The following RAB11FIP2 variants were observed in gnomAD, a reference collection of about 807,000 sequenced individuals.
RAB11FIP2 encodes rab11 family-interacting protein 2.
RAB11FIP2 carries 16 observed loss-of-function variants against 40.9 expected under a neutral mutation model. That is an observed-to-expected ratio of 0.39 (90% CI 0.26 to 0.59). The LOEUF (loss-of-function observed/expected upper bound fraction) is 0.59, where lower values mean the gene tolerates loss of function less well. Among genes scored for constraint, RAB11FIP2 ranks in the 20% least tolerant of loss-of-function variants. The pLI, the probability that RAB11FIP2 is intolerant of heterozygous loss-of-function variation, is 0.53. For missense variants in RAB11FIP2, 532 were observed against 606.2 expected (o/e 0.88, Z 1.28); for synonymous variants, 228 against 213.7 (o/e 1.07, Z -0.58).
chr10:118,011,365 A>T (rs1213575461), intron 4 of RAB11FIP2, among the ~76,000 whole-genome samples: 2 of 151,888 alleles, frequency 1.3e-5, no homozygotes, highest in Admixed American at 6.6e-5. Context: ...CAGATCAATT[A>T]ATCTTTTATA....
rs989870664 is a variant in RAB11FIP2, at chr10:118,046,662, C to T, written c.-499G>A. 2.6e-5 allele frequency: 4 copies of T among 153,018 alleles called. No individual in the cohort carries two copies. The highest frequency in any genetic ancestry group is 7.2e-5 in the African/African-American group (3 of 41,492). 9.5% of individuals were successfully genotyped at this position (153,018 alleles called of 1,614,324 possible). A position where few individuals can be genotyped will look rare whatever the true frequency, so the allele number is the denominator to read the frequency against. Reference sequence around the variant, plus strand: ...TCCCGACCCCGGTAATACGAACCGCCGGCGGCTAACGCGGCCTCGCTCCCT... The same window carrying T: ...TCCCGACCCCGGTAATACGAACCGCTGGCGGCTAACGCGGCCTCGCTCCCT... On this transcript the variant is annotated 5_prime_UTR_variant, in exon 1 of 5. Coordinates refer to ENST00000355624, the MANE Select transcript of RAB11FIP2 (RefSeq NM_014904.3).
At position 118,046,401 on chromosome 10, in the gene RAB11FIP2, G is replaced by A. The variant is rs1846638705; in HGVS notation, c.-238C>T. On this transcript the variant is annotated 5_prime_UTR_variant, in exon 1 of 5. Coordinates refer to ENST00000355624, the MANE Select transcript of RAB11FIP2 (RefSeq NM_014904.3). ...CACAGAGGCCCACCATCACCTGGCC[G>A]CGCCGTGCAGGCCTCTGCGCGGACC... is the stretch of plus-strand genomic sequence containing the variant. 1.9e-6 allele frequency: 1 copy of A among 536,808 alleles called. No individual in the cohort carries two copies. The highest frequency in any genetic ancestry group is 1.9e-5 in the African/African-American group (1 of 52,850). 33.3% of individuals were successfully genotyped at this position (536,808 alleles called of 1,614,324 possible).
rs576853484 is a variant in RAB11FIP2, at chr10:118,012,679, G to A, written c.1311+2386C>T. On this transcript the variant is annotated intron_variant, in intron 4 of 4. Transcript: ENST00000355624. ...AGGTAAATATAAAAATTATTTTTTC[G>A]AAAGATTATTCTTGCAAAAACTTGC... is the stretch of plus-strand genomic sequence containing the variant. Among the ~76,000 whole-genome samples, 13 of 151,570 alleles carry A rather than the reference G, an allele frequency of 8.6e-5. No homozygotes were observed. The East Asian group carries it at 9.7e-4, about 11-fold the overall frequency.
Position 118,040,348 on chromosome 10 carries a change from T to C in RAB11FIP2, c.571A>G (p.Thr191Ala). Reference protein sequence around the residue: ...SDTSSAIIPSTHMPDANSEFS... With the variant: ...SDTSSAIIPSAHMPDANSEFS... ...TCACTATTGGCATCGGGCATGTGAG[T>C]ACTTGGAATGATTGCAGAAGACGTA... The change falls in exon 2 of 5, where the codon ACT becomes GCT. Residue 191 changes from threonine (T) to alanine (A), a missense_variant. Transcript: ENST00000355624. 6.2e-7 allele frequency: 1 copy of C among 1,613,796 alleles called. No individual in the cohort carries two copies. The highest frequency in any genetic ancestry group is 8.5e-7 in the Non-Finnish European group (1 of 1,179,740).
chr10:118,025,747 C>T (rs1008762649), intron 3 of RAB11FIP2, among the ~76,000 whole-genome samples: 1 of 152,196 alleles, frequency 6.6e-6, no homozygotes, highest in Non-Finnish European at 1.5e-5. Flanking sequence ...CTGAGAACCA[C>T]TTCACACATT....
At chr10:118,036,182 G>A (rs1846479115) in intron 3 of RAB11FIP2, among the ~76,000 whole-genome samples, 2 of 151,934 alleles carry the variant, frequency 1.3e-5, no homozygotes, top group African/African-American at 4.8e-5. Context: ...ATGGTTCCTA[G>A]GTACCAGCAA....
intron 1 of RAB11FIP2, chr10:118,043,462 A>G (rs572946285): frequency 3.3e-5 from 5 of 152,180 alleles, no homozygotes; most frequent in South Asian, 2.1e-4. Context: ...ACATCCTCTA[A>G]AGGAGGAGAT....
At chr10:118,041,414 A>C (rs571997445) in intron 1 of RAB11FIP2, among the ~76,000 whole-genome samples, 3 of 152,264 alleles carry the variant, frequency 2.0e-5, no homozygotes, top group East Asian at 1.9e-4. Flanking sequence ...GATATACAAG[A>C]AGCAATATTT....
rs1468087690 is a variant in RAB11FIP2 at position 118,006,658 on chromosome 10, A to G, written c.*2340T>C. 6.6e-6 allele frequency: 1 copy of G among 152,102 alleles called. No homozygotes were observed. Among genetic ancestry groups the G allele is most frequent in the African/African-American group, 2.4e-5 (1 of 41,442 alleles). The allele number at this position is 152,102 out of a possible 1,614,324, so 9.4% of individuals were successfully genotyped here. A position where few individuals can be genotyped will look rare whatever the true frequency, so the allele number is the denominator to read the frequency against. On this transcript the variant is annotated 3_prime_UTR_variant, in exon 5 of 5. Coordinates refer to ENST00000355624, the MANE Select transcript of RAB11FIP2 (RefSeq NM_014904.3). ...AGTTTTATTATTTTGACTGATTATG[A>G]AAATATGCAATAAGTTTACTCTAGG...
chr10:118,046,032 C>T lies in RAB11FIP2; in HGVS notation c.132G>A (p.Lys44=). 8 of 1,614,204 alleles carry T rather than the reference C, an allele frequency of 5.0e-6. No homozygotes were observed. The highest frequency in any genetic ancestry group is 6.8e-6 in the Non-Finnish European group (8 of 1,180,040). Residue 44 remains lysine, a synonymous_variant, in exon 1 of 5, where the codon AAG becomes AAA. Transcript: ENST00000355624. The part of the protein sequence containing the change: ...NDTYTIIQLG[K]EKYSTSVAEK... ...CAGCTACAGAGGTGGAGTACTTTTC[C>T]TTGCCCAGCTGAATTATAGTGTATG... is the stretch of plus-strand genomic sequence containing the variant.
intron 3 of RAB11FIP2, 103 bp from the exon 4 acceptor site, chr10:118,015,213 C>T: frequency 1.1e-6 from 1 of 882,590 alleles, no homozygotes. Context: ...TTTCTAAAGC[C>T]CTACATTATT....
rs373912288 is a variant in RAB11FIP2, at chr10:118,009,166, T to C, written c.1371A>G (p.Leu457=). ...GYRSLTYEEV[L]QELVKHKELL... is the part of the protein sequence containing the mutation. ...GTTCTTTGTGTTTCACCAGCTCCTG[T>C]AGAACCTCTTCATAGGTCAGACTAC... is the stretch of plus-strand genomic sequence containing the variant. The change falls in exon 5 of 5, where the codon CTA becomes CTG. Residue 457 remains leucine (L), a synonymous_variant. Coordinates refer to ENST00000355624, the MANE Select transcript of RAB11FIP2 (RefSeq NM_014904.3). 8.7e-6 allele frequency: 14 copies of C among 1,613,508 alleles called. No homozygotes were observed. Among genetic ancestry groups the C allele is most frequent in the Non-Finnish European group, 1.1e-5 (13 of 1,179,608 alleles).
Position 118,039,233 on chromosome 10 carries a change from C to T in RAB11FIP2, c.1004G>A (p.Ser335Asn), listed in dbSNP as rs1421153299. ...FEESSETWDS[S>N]MNLFSKPIEI... ...AATTGGTTTTGAAAATAAATTCATG[C>T]TGCTGTCCCATGTTTCGCTGCTTTC... The change falls in exon 3 of 5, where the codon AGC becomes AAC. Residue 335 changes from serine (S) to asparagine (N), a missense_variant. Coordinates refer to ENST00000355624, the MANE Select transcript of RAB11FIP2 (RefSeq NM_014904.3). 1 of 1,613,652 alleles carries T rather than the reference C, an allele frequency of 6.2e-7. No individual in the cohort carries two copies. Among genetic ancestry groups the T allele is most frequent in the South Asian group, 1.1e-5 (1 of 91,074 alleles).
chr10:118,037,214 C>T (rs1846492824), intron 3 of RAB11FIP2, among the ~76,000 whole-genome samples: 1 of 151,922 alleles, frequency 6.6e-6, no homozygotes. Flanking sequence ...TTTTGAATGG[C>T]ATATCAAAAC....
chr10:118,030,199 C>T (rs919781136), intron 3 of RAB11FIP2, among the ~76,000 whole-genome samples: 1 of 152,110 alleles, frequency 6.6e-6, no homozygotes, highest in Non-Finnish European at 1.5e-5. Context: ...CTACATGTAA[C>T]AACAATTAAA....
At chr10:118,028,727 T>A (rs1846375335) in intron 3 of RAB11FIP2, among the ~76,000 whole-genome samples, 1 of 152,068 alleles carries the variant, frequency 6.6e-6, no homozygotes. Context: ...ATCCTCTTAG[T>A]GAGAAACTAA....
chr10:118,021,899 T>C (rs544456078), intron 3 of RAB11FIP2, among the ~76,000 whole-genome samples: 1 of 152,230 alleles, frequency 6.6e-6, no homozygotes, highest in Non-Finnish European at 1.5e-5. Flanking sequence ...GGAGATTTCA[T>C]ATTCTCTCAC....
At chr10:118,021,000 T>C (rs1321204063) in intron 3 of RAB11FIP2, among the ~76,000 whole-genome samples, 1 of 152,136 alleles carries the variant, frequency 6.6e-6, no homozygotes, top group East Asian at 1.9e-4. Flanking sequence ...TTTAACTTTT[T>C]TTTTTCAAAA....
intron 3 of RAB11FIP2, among the ~76,000 whole-genome samples, chr10:118,023,706 G>GA (rs1846308197): frequency 6.6e-6 from 1 of 152,148 alleles, no homozygotes; most frequent in South Asian, 2.1e-4. Context: ...TGTTGTTGGT[G>GA]AAAGTCCTAG....
Sources: gnomAD v4.1 joint callset for allele counts (sites outside exome capture counted in the v4.1 genomes callset) on GRCh38, gnomAD v4.1.1 for gene constraint, MANE v1.5 for transcripts, NCBI Gene and HGNC (gene_info 2026-07-23, HGNC 2026-07-21) for gene names.